PROM1: variants seen among roughly 807,000 people sequenced by gnomAD.
PROM1 encodes the protein prominin 1, also known as prominin-1.
A neutral mutation model predicts 116.9 loss-of-function variants in PROM1; 105 were observed. The observed-to-expected ratio is 0.90, with a 90% CI of 0.77 to 1.06. The LOEUF (loss-of-function observed/expected upper bound fraction) is 1.06, where lower values mean the gene tolerates loss of function less well. PROM1 is among the 50% of genes least tolerant of loss of function. The pLI is 0.00. For synonymous variants in PROM1, 393 were observed against 387.0 expected (o/e 1.02, Z -0.18); for missense variants, 1,122 against 1,045.2 (o/e 1.07, Z -1.01).
chr4:15,991,311 A>C lies in PROM1; in HGVS notation c.1912-18T>G. ...TTACCAGTCTACAATAGAAGTGAAAAAAATTGTCTTATGGATATGGGATCT... is the reference window on the plus strand; with the variant it reads ...TTACCAGTCTACAATAGAAGTGAAACAAATTGTCTTATGGATATGGGATCT... On this transcript the variant is annotated intron_variant, in intron 17 of 27. Transcript: ENST00000447510. 1 of 1,565,164 alleles carries C rather than the reference A, an allele frequency of 6.4e-7. No individual in the cohort carries two copies. The highest frequency in any genetic ancestry group is 8.7e-7 in the Non-Finnish European group (1 of 1,155,290).
At position 15,986,053 on chromosome 4, in the gene PROM1, A is replaced by C; in HGVS notation, c.2131-16T>G. 1 of 1,523,864 alleles carries C rather than the reference A, an allele frequency of 6.6e-7. No homozygotes were observed. Among genetic ancestry groups the C allele is most frequent in the Non-Finnish European group, 9.0e-7 (1 of 1,112,696 alleles). The allele number at this position is 1,523,864 out of a possible 1,614,324, so 94.4% of individuals were successfully genotyped here. On this transcript the variant is annotated splice_polypyrimidine_tract_variant and intron_variant, in intron 20 of 27. Coordinates refer to ENST00000447510, the MANE Select transcript of PROM1 (RefSeq NM_006017.3). ...TTACTCTCTCCTGAAAGACACAGCC[A>C]CAGTTATCAGGGTATCAAGTCATAG...
At chr4:15,983,716 G>A (rs929448453) in intron 23 of PROM1, among the ~76,000 whole-genome samples, 5 of 152,188 alleles carry the variant, frequency 3.3e-5, no homozygotes, top group Non-Finnish European at 7.3e-5. Context: ...GCCATGCAGA[G>A]CCTAGTATGG....
intron 2 of PROM1, among the ~76,000 whole-genome samples, chr4:16,051,880 G>C (rs908654787): frequency 1.3e-5 from 2 of 152,114 alleles, no homozygotes; most frequent in Non-Finnish European, 2.9e-5. Context: ...GTAAGAACTC[G>C]GTAGCCCTCC....
rs1447334769 is a variant in PROM1 at position 16,034,807 on chromosome 4, G to C, written c.303+928C>G. 5.3e-5 allele frequency among the ~76,000 whole-genome samples: 8 copies of C among 152,334 alleles called. No homozygotes were observed. In the East Asian group the frequency reaches 1.3e-3, roughly 26 times the overall value. On this transcript the variant is annotated intron_variant, in intron 4 of 27. Coordinates refer to ENST00000447510, the MANE Select transcript of PROM1 (RefSeq NM_006017.3). ...GGAGCAAATGTGATGTCTTGGAGGA[G>C]AGACCTGCTTTACATCCCAGCAGGG...
Position 16,075,759 on chromosome 4 carries a change from C to T in PROM1, c.148G>A (p.Gly50Arg). ...AGTTCAAAGAGAATGCCAATGGGTC[C>T]AGCTTTATGGGAGTCTTGGGTCTCA... ...NYETQDSHKA[G>R]PIGILFELVH... Residue 50 changes from glycine to arginine, a missense_variant, in exon 2 of 28, where the codon GGA becomes AGA. Coordinates refer to ENST00000447510, the MANE Select transcript of PROM1 (RefSeq NM_006017.3). 1 of 1,613,798 alleles carries T rather than the reference C, an allele frequency of 6.2e-7. No individual in the cohort carries two copies. The highest frequency in any genetic ancestry group is 8.5e-7 in the Non-Finnish European group (1 of 1,179,866).
At chr4:16,066,477 A>G (rs3846351) in intron 2 of PROM1, among the ~76,000 whole-genome samples, 106,440 of 152,078 alleles carry the variant, frequency 0.7, 37,620 homozygotes, top group Non-Finnish European at 0.76. Context: ...AACTTGTGCA[A>G]TGCAGAGCTA....
intron 10 of PROM1, among the ~76,000 whole-genome samples, chr4:16,014,906 G>T (rs1263629327): frequency 6.6e-6 from 1 of 152,194 alleles, no homozygotes; most frequent in Admixed American, 6.5e-5. Context: ...TGCGTTTTTG[G>T]GGGTTTACAG....
At chr4:15,983,446 C>T (rs1718472659) in intron 23 of PROM1, among the ~76,000 whole-genome samples, 1 of 152,110 alleles carries the variant, frequency 6.6e-6, no homozygotes. Flanking sequence ...TGATGTTCTC[C>T]ACCATTGTGT....
At chr4:16,002,671 T>C (rs1724167516) in intron 13 of PROM1, among the ~76,000 whole-genome samples, 1 of 151,954 alleles carries the variant, frequency 6.6e-6, no homozygotes, top group East Asian at 1.9e-4. Context: ...AAAGAAGAAG[T>C]GAGTGAGGGC....
rs187494980 is a variant in PROM1, at chr4:16,033,643, G to A, written c.304-134C>T. On this transcript the variant is annotated intron_variant, in intron 4 of 27. Coordinates refer to ENST00000447510, the MANE Select transcript of PROM1 (RefSeq NM_006017.3). ...CTCGCTCTGTTGCCCAGGCTGGAGC[G>A]CAGTGGCGCGATTTCGGCTCACTGC... 8.4e-5 allele frequency: 62 copies of A among 735,818 alleles called. No individual in the cohort carries two copies. In the African/African-American group the frequency reaches 1.1e-3, roughly 12 times the overall value. The allele number at this position is 735,818 out of a possible 1,614,324, so 45.6% of individuals were successfully genotyped here.
Position 16,062,283 on chromosome 4 carries a change from C to A in PROM1, c.220+13404G>T, listed in dbSNP as rs539455826. Among the ~76,000 whole-genome samples the A allele has an allele frequency of 2.2e-3, 332 of 152,324 alleles. 2 individuals are homozygous for A. The highest frequency in any genetic ancestry group is 7.7e-3 in the African/African-American group (320 of 41,584). On this transcript the variant is annotated intron_variant, in intron 2 of 27. Coordinates refer to ENST00000447510, the MANE Select transcript of PROM1 (RefSeq NM_006017.3). Reference sequence around the variant, plus strand: ...TAAAAGTAACTAATTTCATCTGCGACAACCTTGTTTCTAAATAAAGTCACA... The same window carrying A: ...TAAAAGTAACTAATTTCATCTGCGAAAACCTTGTTTCTAAATAAAGTCACA...
At chr4:15,977,806 G>C (rs1176693755) in intron 26 of PROM1, among the ~76,000 whole-genome samples, 1 of 152,162 alleles carries the variant, frequency 6.6e-6, no homozygotes, top group Non-Finnish European at 1.5e-5. Flanking sequence ...CACCGTGTTA[G>C]CCAGGATGGT....
At chr4:15,998,779 G>C (rs1049428416) in intron 14 of PROM1, among the ~76,000 whole-genome samples, 2 of 151,934 alleles carry the variant, frequency 1.3e-5, no homozygotes, top group South Asian at 4.1e-4. Context: ...GCAGTGGCGC[G>C]ATCTCAGCTC....
chr4:16,012,151 C>T (rs1727036655), intron 11 of PROM1, among the ~76,000 whole-genome samples: 2 of 152,250 alleles, frequency 1.3e-5, no homozygotes, highest in South Asian at 4.1e-4. Flanking sequence ...GATGCACAAC[C>T]ATGCCTGGCT....
rs1471174430 is a variant in PROM1, at chr4:15,989,725, C to T, written c.2076+7G>A. 1 of 1,587,768 alleles carries T rather than the reference C, an allele frequency of 6.3e-7. No homozygotes were observed. Among genetic ancestry groups the T allele is most frequent in the Admixed American group, 1.7e-5 (1 of 58,084 alleles). On this transcript the variant is annotated splice_region_variant and intron_variant, in intron 19 of 27. Transcript: ENST00000447510. ...ACAGTGAAATACAATACGTCGTTGA[C>T]TGTTACCAGTGATTGTTCTATAGGA...
chr4:16,031,612 T>A (rs1732709348), intron 5 of PROM1, among the ~76,000 whole-genome samples: 12 of 145,080 alleles, frequency 8.3e-5, no homozygotes, highest in South Asian at 4.7e-4. Context: ...AGACAGACAG[T>A]GACAGAAAAA....
At chr4:16,006,379 A>G (rs1425052777) in intron 13 of PROM1, among the ~76,000 whole-genome samples, 159 bp downstream of exon 13, 1 of 152,156 alleles carries the variant, frequency 6.6e-6, no homozygotes, top group Non-Finnish European at 1.5e-5. Flanking sequence ...CAAATCAAGG[A>G]AGGTCCCATC....
chr4:15,999,493 A>G (rs1723196398), intron 14 of PROM1, among the ~76,000 whole-genome samples: 1 of 151,056 alleles, frequency 6.6e-6, no homozygotes, highest in Non-Finnish European at 1.5e-5. Flanking sequence ...AAATTCACAC[A>G]CTCTCTGCCT....
chr4:16,041,771 TAAATAAATAAATAA>T (rs370547180), intron 2 of PROM1, among the ~76,000 whole-genome samples: 43,640 of 115,526 alleles, frequency 0.38, 8,246 homozygotes, highest in Non-Finnish European at 0.46. Flanking sequence ...AATAAATAAA[TAAATAAATAAATAA>T]ATATATATAT....
Sources: allele counts gnomAD v4.1 joint callset (sites outside exome capture counted in the v4.1 genomes callset), GRCh38; gene constraint gnomAD v4.1.1; transcripts MANE v1.5; gene names NCBI Gene and HGNC (gene_info 2026-07-23, HGNC 2026-07-21).